The following GRM8 variants were observed in gnomAD, a reference collection of about 807,000 sequenced individuals.
GRM8 encodes glutamate metabotropic receptor 8, also known as metabotropic glutamate receptor 8.
In GRM8, 47 loss-of-function variants were observed where a neutral mutation model predicts 87.2. The ratio of observed to expected loss-of-function variants is 0.54; its 90% CI spans 0.43 to 0.69. GRM8 has a LOEUF of 0.69. Among genes scored for constraint, GRM8 ranks in the 30% least tolerant of loss-of-function variants. GRM8 has a pLI of 0.00. For synonymous variants in GRM8, 396 were observed against 404.5 expected, an observed-to-expected ratio of 0.98 and a Z score of 0.25; for missense variants, 1,019 against 1,139.2, an observed-to-expected ratio of 0.89 and a Z score of 1.52.
At chr7:126,956,126 C>T (rs1042547886) in intron 3 of GRM8, among the ~76,000 whole-genome samples, 3 of 152,036 alleles carry the variant, frequency 2.0e-5, no homozygotes, top group Admixed American at 6.6e-5. Flanking sequence ...CACTTTAAAG[C>T]TTTGGGAACA....
chr7:126,631,617 C>A (rs903104740), intron 7 of GRM8, among the ~76,000 whole-genome samples: 1 of 152,120 alleles, frequency 6.6e-6, no homozygotes, highest in Non-Finnish European at 1.5e-5. Flanking sequence ...AGGCATCATG[C>A]AACCTGACTT....
intron 2 of GRM8, among the ~76,000 whole-genome samples, chr7:127,184,400 A>G (rs1288330020): frequency 6.6e-6 from 1 of 151,950 alleles, no homozygotes; most frequent in Non-Finnish European, 1.5e-5. Context: ...GGGAAAAAAA[A>G]GCAATATTAC....
At chr7:127,213,667 C>T (rs1796354179) in intron 2 of GRM8, among the ~76,000 whole-genome samples, 1 of 152,246 alleles carries the variant, frequency 6.6e-6, no homozygotes, top group East Asian at 1.9e-4. Context: ...TGGGTAATAT[C>T]TCATATTTAT....
At chr7:126,662,205 A>C (rs1805251128) in intron 7 of GRM8, among the ~76,000 whole-genome samples, 1 of 152,200 alleles carries the variant, frequency 6.6e-6, no homozygotes, top group Admixed American at 6.5e-5. Context: ...GAAATGTATA[A>C]ATTATGCTGA....
chr7:126,748,008 T>C (rs1023632940), intron 7 of GRM8, among the ~76,000 whole-genome samples: 1 of 152,032 alleles, frequency 6.6e-6, no homozygotes, highest in Non-Finnish European at 1.5e-5. Context: ...AACTAGCTTA[T>C]ATCACTCATG....
intron 7 of GRM8, among the ~76,000 whole-genome samples, chr7:126,684,555 C>T (rs1243217108): frequency 2.0e-5 from 3 of 152,172 alleles, no homozygotes; most frequent in South Asian, 2.1e-4. Context: ...AGGGCTCCAT[C>T]GGAGGCAGTA....
chr7:126,629,540 A>T (rs1801043979), intron 7 of GRM8, among the ~76,000 whole-genome samples: 1 of 152,210 alleles, frequency 6.6e-6, no homozygotes, highest in African/African-American at 2.4e-5. Context: ...TGTTTGCAGA[A>T]TTACAGTGAG....
At chr7:126,719,835 G>T (rs1585654671) in intron 7 of GRM8, among the ~76,000 whole-genome samples, 1 of 133,336 alleles carries the variant, frequency 7.5e-6, no homozygotes, top group African/African-American at 2.8e-5. Context: ...TAGTTTAAAA[G>T]ATAGTCTTTA....
At chr7:127,007,492 T>G (rs995125242) in intron 3 of GRM8, among the ~76,000 whole-genome samples, 2 of 152,086 alleles carry the variant, frequency 1.3e-5, no homozygotes, top group African/African-American at 4.8e-5. Context: ...AATAACTTGT[T>G]TCATTAATTT....
chr7:126,630,133 T>A (rs140703942), intron 7 of GRM8, among the ~76,000 whole-genome samples: 11 of 150,488 alleles, frequency 7.3e-5, no homozygotes, highest in South Asian at 2.1e-4. Flanking sequence ...CAACACCAAA[T>A]AAGAAAAAAA....
intron 3 of GRM8, among the ~76,000 whole-genome samples, chr7:126,953,065 T>C (rs943646738): frequency 1.3e-5 from 2 of 152,082 alleles, no homozygotes; most frequent in African/African-American, 4.8e-5. Flanking sequence ...CTCCGTTCCA[T>C]TTTTGCAACT....
At chr7:126,811,762 A>G (rs1263384285) in intron 6 of GRM8, among the ~76,000 whole-genome samples, 1 of 152,014 alleles carries the variant, frequency 6.6e-6, no homozygotes, top group Non-Finnish European at 1.5e-5. Context: ...GTTTTTTGGT[A>G]GAGTCTTCAG....
At chr7:126,601,238 A>G (rs1162863179) in intron 8 of GRM8, among the ~76,000 whole-genome samples, 1 of 152,048 alleles carries the variant, frequency 6.6e-6, no homozygotes, top group Non-Finnish European at 1.5e-5. Flanking sequence ...AATTTCATCC[A>G]TGTCCCTACA....
At chr7:127,005,529 CAT>C (rs1239022871) in intron 3 of GRM8, among the ~76,000 whole-genome samples, 1 of 151,820 alleles carries the variant, frequency 6.6e-6, no homozygotes, top group Non-Finnish European at 1.5e-5. Flanking sequence ...TTCAACCAGA[CAT>C]AGTCTCCACA....
At chr7:127,212,410 ATTTTTTTTTTT>A (rs144077638) in intron 2 of GRM8, among the ~76,000 whole-genome samples, 2 of 97,720 alleles carry the variant, frequency 2.0e-5, no homozygotes, top group African/African-American at 4.5e-5. Flanking sequence ...ACATGGTGTT[ATTTTTTTTTTT>A]TTTTTTTTTT....
intron 3 of GRM8, among the ~76,000 whole-genome samples, chr7:127,009,721 C>T (rs1894729): frequency 0.39 from 58,928 of 151,862 alleles, 11,613 homozygotes; most frequent in Non-Finnish European, 0.42. Context: ...GTGAAAAATC[C>T]AGATTTTTTT....
intron 7 of GRM8, among the ~76,000 whole-genome samples, chr7:126,713,260 G>A (rs995046544): frequency 1.3e-5 from 2 of 152,152 alleles, no homozygotes; most frequent in Non-Finnish European, 2.9e-5. Context: ...GGAATACTAT[G>A]CAGTCATAAA....
chr7:127,037,336 C>T (rs1425417521), intron 3 of GRM8, among the ~76,000 whole-genome samples: 1 of 152,146 alleles, frequency 6.6e-6, no homozygotes, highest in Admixed American at 6.5e-5. Flanking sequence ...CCCCAATTTG[C>T]CTCCCAGGAC....
chr7:126,605,204 G>C (rs1457855064), intron 8 of GRM8, among the ~76,000 whole-genome samples: 1 of 151,950 alleles, frequency 6.6e-6, no homozygotes, highest in Non-Finnish European at 1.5e-5. Flanking sequence ...GAACCTCTAG[G>C]TTACAATATG....
Sources: allele counts gnomAD v4.1 joint callset (sites outside exome capture counted in the v4.1 genomes callset), GRCh38; gene constraint gnomAD v4.1.1; transcripts MANE v1.5; gene names NCBI Gene and HGNC (gene_info 2026-07-23, HGNC 2026-07-21).